Variants in PDE9A observed in about 807,000 individuals in gnomAD.
The protein encoded by PDE9A is phosphodiesterase 9A.
In PDE9A, 60 loss-of-function variants were observed where a neutral mutation model predicts 87.4. That is an observed-to-expected ratio of 0.69 (90% confidence interval 0.56 to 0.85). The LOEUF (loss-of-function observed/expected upper bound fraction) is 0.85. Ranked by LOEUF, PDE9A falls within the 40% of genes least tolerant of loss-of-function variation. The pLI is 0.00. For synonymous variants in PDE9A, 272 were observed against 279.4 expected, an observed-to-expected ratio of 0.97 and a Z score of 0.27; for missense variants, 665 against 779.0, an observed-to-expected ratio of 0.85 and a Z score of 1.74.
rs189954724 is a variant in PDE9A at position 42,713,234 on chromosome 21, A to C, written c.262+14223A>C. Among the ~76,000 whole-genome samples, 585 of 152,266 alleles carry C rather than the reference A, an allele frequency of 3.8e-3. 5 individuals carry two copies. Among genetic ancestry groups the C allele is most frequent in the Middle Eastern group, 0.017 (5 of 294 alleles). On this transcript the variant is annotated intron_variant, in intron 4 of 19. Coordinates refer to ENST00000291539, the MANE Select transcript of PDE9A (RefSeq NM_002606.3). ...ACTGCAACCTCCGCCTCCAGGCTTC[A>C]AGTGATTCTCCTGCCTCAGCCTCCC... is the stretch of plus-strand genomic sequence containing the variant.
rs1289056592 is a variant in PDE9A, at chr21:42,702,765, A to G, written c.262+3754A>G. 6.6e-6 allele frequency among the ~76,000 whole-genome samples: 1 copy of G among 152,232 alleles called. No homozygotes were observed. The highest frequency in any genetic ancestry group is 1.5e-5 in the Non-Finnish European group (1 of 68,040). On this transcript the variant is annotated intron_variant, in intron 4 of 19. Transcript: ENST00000291539. This position sits in a 1 kb window ranked among gnomAD's most constrained non-coding sequence, Gnocchi z 4.9. The stretch of plus-strand genomic sequence containing the variant: ...GTCTCCCCCAAACTCCTGGCTGATC[A>G]CCAAATTCCACTCTGGCTGTTTAGA...
At chr21:42,765,275 G>C in intron 14 of PDE9A, 106 bp from the exon 15 acceptor site, 1 of 638,008 alleles carries the variant, frequency 1.6e-6, no homozygotes, top group South Asian at 2.0e-5. Context: ...ATCGGAATAA[G>C]AGATACATGA....
chr21:42,711,445 G>A (rs547593756), intron 4 of PDE9A, among the ~76,000 whole-genome samples: 1 of 152,016 alleles, frequency 6.6e-6, no homozygotes, highest in Non-Finnish European at 1.5e-5. Context: ...TAGAGATGGG[G>A]TTTCACCATG....
chr21:42,670,621 T>TCA (rs143403517), intron 1 of PDE9A, among the ~76,000 whole-genome samples: 4 of 150,740 alleles, frequency 2.7e-5, no homozygotes, highest in East Asian at 2.0e-4. Context: ...ACTATCACAT[T>TCA]CACACACACA....
At position 42,731,937 on chromosome 21, in the gene PDE9A, C is replaced by A; in HGVS notation, c.430C>A (p.Arg144Ser). Reference protein sequence around the residue: ...EPQGCYQEGQRIPPEREELIQ... With the variant: ...EPQGCYQEGQSIPPEREELIQ... Reference sequence around the variant, plus strand: ...CCAGGGCTGCTACCAGGAAGGCCAGCGCATCCCTCCAGGTAACGGGCAGCT... The same window carrying A: ...CCAGGGCTGCTACCAGGAAGGCCAGAGCATCCCTCCAGGTAACGGGCAGCT... The change falls in exon 5 of 20, where the codon CGC (arginine) becomes AGC (serine). Residue 144 changes from arginine (R) to serine (S), a missense_variant. Physicochemically the swap from Arg to Ser is moderately radical, Grantham distance 110. Coordinates refer to ENST00000291539, the MANE Select transcript of PDE9A (RefSeq NM_002606.3). The A allele has an allele frequency of 1.2e-6, 2 of 1,613,514 alleles. No individual in the cohort carries two copies. The highest frequency in any genetic ancestry group is 1.7e-6 in the Non-Finnish European group (2 of 1,179,656).
chr21:42,759,784 TGGG>T lies in PDE9A; in HGVS notation c.898-541_898-539del, dbSNP rs1484264532. On this transcript the variant is annotated intron_variant, in intron 11 of 19. Coordinates refer to ENST00000291539, the MANE Select transcript of PDE9A (RefSeq NM_002606.3). The surrounding 1 kb of genome is among the most constrained non-coding windows in gnomAD (Gnocchi z 7.2). ...GTGTGTGCATGTGTGTATCTGGATGTGGGGGTGTGTGAGGGTGGATGTGTGCAT... is the reference window on the plus strand; with the variant it reads ...GTGTGTGCATGTGTGTATCTGGATGTGGTGTGTGAGGGTGGATGTGTGCAT... Among the ~76,000 whole-genome samples, 1 of 147,626 alleles carries T rather than the reference TGGG, an allele frequency of 6.8e-6. No individual in the cohort carries two copies. Among genetic ancestry groups the T allele is most frequent in the Non-Finnish European group, 1.5e-5 (1 of 66,908 alleles).
At chr21:42,666,224 C>G (rs1355214880) in intron 1 of PDE9A, among the ~76,000 whole-genome samples, 1 of 152,230 alleles carries the variant, frequency 6.6e-6, no homozygotes, top group Non-Finnish European at 1.5e-5. Context: ...TGGCTATCAG[C>G]TCCAGAAGGC....
Position 42,760,297 on chromosome 21 carries a change from C to A in PDE9A, c.898-31C>A. On this transcript the variant is annotated intron_variant, in intron 11 of 19. Transcript: ENST00000291539. The surrounding 1 kb of genome is among the most constrained non-coding windows in gnomAD (Gnocchi z 5.2). ...GAGGAGAGGTGGGCGGGCCCAGGCA[C>A]AGGGTGACTCGGACCCCCTGCCTCC... The A allele has an allele frequency of 7.3e-7, 1 of 1,362,164 alleles. No individual in the cohort carries two copies. Among genetic ancestry groups the A allele is most frequent in the Non-Finnish European group, 1.0e-6 (1 of 956,260 alleles). The allele number at this position is 1,362,164 out of a possible 1,614,324, so 84.4% of individuals were successfully genotyped here.
At chr21:42,731,996 G>T in intron 5 of PDE9A, 47 bp downstream of exon 5, 1 of 1,611,978 alleles carries the variant, frequency 6.2e-7, no homozygotes, top group Non-Finnish European at 8.5e-7. Flanking sequence ...CAACACGTGG[G>T]ATTCGGGCTG....
rs201349052 is a variant in PDE9A, at chr21:42,731,985, C to G, written c.442+36C>G. ...GCTCCTCGGCCACAGCCTCCACCCC[C>G]CAACACGTGGGATTCGGGCTGCAAT... On this transcript the variant is annotated intron_variant, in intron 5 of 19. Coordinates refer to ENST00000291539, the MANE Select transcript of PDE9A (RefSeq NM_002606.3). 15,188 of 1,612,158 alleles carry G rather than the reference C, an allele frequency of 9.4e-3. 133 individuals are homozygous for G. The highest frequency in any genetic ancestry group is 0.043 in the Admixed American group (2,546 of 59,572).
intron 4 of PDE9A, among the ~76,000 whole-genome samples, chr21:42,721,052 C>G (rs1322569091): frequency 6.6e-6 from 1 of 151,660 alleles, no homozygotes; most frequent in Non-Finnish European, 1.5e-5. Flanking sequence ...CCACCTAGAA[C>G]AGCACCCAGA....
chr21:42,674,938 C>T (rs910954302), intron 1 of PDE9A, among the ~76,000 whole-genome samples: 8 of 152,200 alleles, frequency 5.3e-5, no homozygotes, highest in African/African-American at 1.2e-4. Flanking sequence ...AGCTAGAGAA[C>T]TTTTTTATTG....
At chr21:42,767,738 C>T (rs1285828222) in intron 15 of PDE9A, among the ~76,000 whole-genome samples, 1 of 152,216 alleles carries the variant, frequency 6.6e-6, no homozygotes, top group Non-Finnish European at 1.5e-5. Context: ...GCCAGCCCTC[C>T]ACCTCTTGTC....
intron 9 of PDE9A, among the ~76,000 whole-genome samples, chr21:42,753,252 C>G: frequency 6.6e-6 from 1 of 152,088 alleles, no homozygotes; most frequent in East Asian, 1.9e-4. Flanking sequence ...GTGATCCGCT[C>G]GCCTCGGCTT....
intron 4 of PDE9A, among the ~76,000 whole-genome samples, chr21:42,700,288 G>A (rs2048278415): frequency 6.6e-6 from 1 of 151,778 alleles, no homozygotes; most frequent in South Asian, 2.1e-4. Context: ...CCAGTCTGGG[G>A]GCTTTTAAGA....
At chr21:42,756,506 G>A (rs2055060330) in intron 10 of PDE9A, among the ~76,000 whole-genome samples, 1 of 152,220 alleles carries the variant, frequency 6.6e-6, no homozygotes, top group Admixed American at 6.5e-5. Context: ...CCAGACAGAG[G>A]ACATGACTTC....
In PDE9A at chr21:42,759,101, G is replaced by T. The variant is rs755890848; in HGVS notation, c.897+16G>T. On this transcript the variant is annotated intron_variant, in intron 11 of 19. Transcript: ENST00000291539. The surrounding 1 kb of genome is among the most constrained non-coding windows in gnomAD (Gnocchi z 7.2). ...GAGGTGGCTGGTGAGTGCCAAACCC[G>T]CCTTCGGTTCTTCCTGGGCACGTGG... 2 of 1,592,120 alleles carry T rather than the reference G, an allele frequency of 1.3e-6. No individual in the cohort carries two copies. Among genetic ancestry groups the T allele is most frequent in the African/African-American group, 2.7e-5 (2 of 74,494 alleles).
In PDE9A at chr21:42,743,890, C is replaced by T. The variant is rs781112460; in HGVS notation, c.653+30C>T. 1.4e-5 allele frequency: 19 copies of T among 1,402,312 alleles called. No homozygotes were observed. The Admixed American group carries it at 2.0e-4, about 14-fold the overall frequency. The allele number at this position is 1,402,312 out of a possible 1,614,324, so 86.9% of individuals were successfully genotyped here. The stretch of plus-strand genomic sequence containing the variant: ...GGTCTGCGCTGGGGCCACGGGCGGC[C>T]GGGCCTGGGGAGGGCTCCCCGTACC... On this transcript the variant is annotated intron_variant, in intron 8 of 19. Coordinates refer to ENST00000291539, the MANE Select transcript of PDE9A (RefSeq NM_002606.3).
intron 1 of PDE9A, among the ~76,000 whole-genome samples, chr21:42,661,586 G>C (rs1405092867): frequency 6.6e-6 from 1 of 152,268 alleles, no homozygotes; most frequent in Admixed American, 6.5e-5. Flanking sequence ...TTAAGGCCGA[G>C]CGGTATTCCA....
Sources: gnomAD v4.1 joint callset for allele counts (sites outside exome capture counted in the v4.1 genomes callset) on GRCh38, gnomAD v4.1.1 for gene constraint, Gnocchi (gnomAD v3.1) non-coding constraint, MANE v1.5 for transcripts, NCBI Gene and HGNC (gene_info 2026-07-23, HGNC 2026-07-21) for gene names.